Variants in TMEM200A observed in about 807,000 individuals in gnomAD.
TMEM200A encodes transmembrane protein 200A, also known as two transmembrane C.
In TMEM200A, 12 loss-of-function variants were observed where a neutral mutation model predicts 24.3. The observed-to-expected ratio is 0.49, with a 90% confidence interval of 0.32 to 0.80. The LOEUF is 0.80. Among genes scored for constraint, TMEM200A ranks in the 30% least tolerant of loss-of-function variants. The probability of loss-of-function intolerance (pLI) is 0.04; values close to 1 mark genes in which losing one functional copy is unlikely to be tolerated. For missense variants in TMEM200A, 545 were observed against 614.4 expected (o/e 0.89, Z 1.19); for synonymous variants, 224 against 224.4 (o/e 1.00, Z 0.02).
chr6:130,414,994 C>T (rs975185489), intron 2 of TMEM200A, among the ~76,000 whole-genome samples: 1 of 152,158 alleles, frequency 6.6e-6, no homozygotes. Flanking sequence ...AAGGAAGAGT[C>T]AGAGGCTCCT....
chr6:130,414,431 C>CAAAAAAA lies in TMEM200A; in HGVS notation c.-16-25962_-16-25956dup, dbSNP rs11317905. ...TGGGTGACAGAGCAAGACTCCATCTCAAAAAAAAAAAAAAAAAAAAGCTGC... is the reference window on the plus strand; with the variant it reads ...TGGGTGACAGAGCAAGACTCCATCTCAAAAAAAAAAAAAAAAAAAAAAAAAAAGCTGC... On this transcript the variant is annotated intron_variant, in intron 2 of 2. Coordinates refer to ENST00000296978, the MANE Select transcript of TMEM200A (RefSeq NM_001258277.2). Among the ~76,000 whole-genome samples, 2 of 57,902 alleles carry CAAAAAAA rather than the reference C, an allele frequency of 3.5e-5. 1 individual carries two copies. Among genetic ancestry groups the CAAAAAAA allele is most frequent in the African/African-American group, 9.3e-5 (2 of 21,432 alleles). The allele number at this position is 57,902 out of a possible 152,430, so 38.0% of individuals were successfully genotyped here.
chr6:130,401,413 T>C (rs9492574), intron 2 of TMEM200A, among the ~76,000 whole-genome samples: 42,373 of 148,422 alleles, frequency 0.29, 9,368 homozygotes, highest in African/African-American at 0.62. Flanking sequence ...TTTTCTTTCT[T>C]TCTCTTTCTT....
chr6:130,418,420 C>T (rs1291391685), intron 2 of TMEM200A, among the ~76,000 whole-genome samples: 1 of 152,110 alleles, frequency 6.6e-6, no homozygotes, highest in Non-Finnish European at 1.5e-5. Context: ...CAGAGAGTGT[C>T]CCAGAGCTCA....
chr6:130,431,249 G>A (rs367754540), intron 2 of TMEM200A, among the ~76,000 whole-genome samples: 14 of 152,138 alleles, frequency 9.2e-5, no homozygotes, highest in African/African-American at 2.2e-4. Flanking sequence ...ACTTAGTAGA[G>A]TCTCATTATT....
At chr6:130,401,430 TC>T (rs1335832984) in intron 2 of TMEM200A, among the ~76,000 whole-genome samples, 5 of 148,560 alleles carry the variant, frequency 3.4e-5, no homozygotes, top group African/African-American at 1.3e-4. Flanking sequence ...TCTTTCTTTC[TC>T]TCTTTCCTTC....
chr6:130,434,320 T>C (rs562321845), intron 2 of TMEM200A, among the ~76,000 whole-genome samples: 2 of 152,382 alleles, frequency 1.3e-5, no homozygotes, highest in East Asian at 3.9e-4. Context: ...TTCTATTCTG[T>C]CTGCTAATTC....
intron 1 of TMEM200A, among the ~76,000 whole-genome samples, chr6:130,376,803 G>C (rs1045051861): frequency 6.6e-6 from 1 of 151,948 alleles, no homozygotes; most frequent in Non-Finnish European, 1.5e-5. Context: ...TCTCTGGAAA[G>C]TCCACATTTT....
Position 130,418,842 on chromosome 6 carries a change from A to G in TMEM200A, c.-16-21565A>G, listed in dbSNP as rs79367092. On this transcript the variant is annotated intron_variant, in intron 2 of 2. Coordinates refer to ENST00000296978, the MANE Select transcript of TMEM200A (RefSeq NM_001258277.2). Reference sequence around the variant, plus strand: ...GTACATGTGATATTTTGTTATGCATAGAATGTGTAATGGTCAACTCAGAAT... The same window carrying G: ...GTACATGTGATATTTTGTTATGCATGGAATGTGTAATGGTCAACTCAGAAT... Among the ~76,000 whole-genome samples the G allele has an allele frequency of 7.2e-5, 11 of 152,294 alleles. No individual in the cohort carries two copies. The East Asian group carries it at 2.1e-3, about 29-fold the overall frequency.
intron 2 of TMEM200A, among the ~76,000 whole-genome samples, chr6:130,393,982 TTTGA>T (rs1778894218): frequency 6.6e-6 from 1 of 152,206 alleles, no homozygotes; most frequent in Non-Finnish European, 1.5e-5. Context: ...CATATGCCTC[TTTGA>T]TTGGAATGAT....
Position 130,366,443 on chromosome 6 carries a change from C to T in TMEM200A, c.-162C>T, listed in dbSNP as rs1000389750. 23 of 985,594 alleles carry T rather than the reference C, an allele frequency of 2.3e-5. No homozygotes were observed. Among genetic ancestry groups the T allele is most frequent in the Non-Finnish European group, 2.8e-5 (23 of 830,072 alleles). The allele number at this position is 985,594 out of a possible 1,614,324, so 61.1% of individuals were successfully genotyped here. A position where few individuals can be genotyped will look rare whatever the true frequency, so the allele number is the denominator to read the frequency against. ...TTCGTCCGCCTCCAGAGGCGCCCGACGTCCCGACAGCTCCTGGAGTGAGAC... is the reference window on the plus strand; with the variant it reads ...TTCGTCCGCCTCCAGAGGCGCCCGATGTCCCGACAGCTCCTGGAGTGAGAC... On this transcript the variant is annotated 5_prime_UTR_variant, in exon 1 of 3. In the 5' UTR this introduces an upstream ATG that the reference lacks. Transcript: ENST00000296978. The surrounding 1 kb of genome is among the most constrained non-coding windows in gnomAD (Gnocchi z 4.4).
At chr6:130,419,836 A>T in intron 2 of TMEM200A, among the ~76,000 whole-genome samples, 1 of 152,178 alleles carries the variant, frequency 6.6e-6, no homozygotes, top group Admixed American at 6.5e-5. Flanking sequence ...GAACAACAGA[A>T]ATTTATTTTT....
Position 130,366,025 on chromosome 6 carries a change from C to T in TMEM200A, c.-580C>T. ...GTTTGGGGCTGGGATCCATCTGGAG[C>T]CGAGCAGAAAACTTTTCCCCTCCCG... On this transcript the variant is annotated 5_prime_UTR_variant, in exon 1 of 3. Coordinates refer to ENST00000296978, the MANE Select transcript of TMEM200A (RefSeq NM_001258277.2). This position sits in a 1 kb window ranked among gnomAD's most constrained non-coding sequence, Gnocchi z 4.4. The T allele has an allele frequency of 7.1e-6, 7 of 985,606 alleles. No homozygotes were observed. The highest frequency in any genetic ancestry group is 8.4e-6 in the Non-Finnish European group (7 of 830,074). 61.1% of individuals were successfully genotyped at this position (985,606 alleles called of 1,614,324 possible).
intron 2 of TMEM200A, among the ~76,000 whole-genome samples, chr6:130,433,167 G>A (rs962773665): frequency 2.1e-5 from 3 of 141,514 alleles, no homozygotes; most frequent in African/African-American, 8.2e-5. Flanking sequence ...ACGGAGTTTC[G>A]CTCTTGTTGC....
At chr6:130,375,358 C>T (rs996196920) in intron 1 of TMEM200A, among the ~76,000 whole-genome samples, 2 of 152,114 alleles carry the variant, frequency 1.3e-5, no homozygotes, top group African/African-American at 4.8e-5. Context: ...CACATAAAAT[C>T]TCTTATAACA....
rs1778669124 is a variant in TMEM200A at position 130,384,521 on chromosome 6, A to G, written c.-80-652A>G. 2.0e-5 allele frequency among the ~76,000 whole-genome samples: 3 copies of G among 152,134 alleles called. No individual in the cohort carries two copies. In the South Asian group the frequency reaches 6.2e-4, roughly 31 times the overall value. On this transcript the variant is annotated intron_variant, in intron 1 of 2. Coordinates refer to ENST00000296978, the MANE Select transcript of TMEM200A (RefSeq NM_001258277.2). The stretch of plus-strand genomic sequence containing the variant: ...GAGATGGGGTCTTGCTATGTTGCCA[A>G]GGCTGGTCTTGAACTCCTGACCTCA...
chr6:130,382,984 A>T, intron 1 of TMEM200A: 2 of 983,660 alleles, frequency 2.0e-6, no homozygotes, highest in Non-Finnish European at 2.4e-6. Flanking sequence ...TAGATCAGGA[A>T]GCAAACCATC....
chr6:130,434,822 G>A (rs113953176), intron 2 of TMEM200A, among the ~76,000 whole-genome samples: 6 of 152,032 alleles, frequency 3.9e-5, no homozygotes, highest in African/African-American at 9.7e-5. Context: ...GCTTGAGTGC[G>A]GGCAAGAGTA....
At chr6:130,382,747 TTGA>T (rs1778629741) in intron 1 of TMEM200A, among the ~76,000 whole-genome samples, 1 of 152,196 alleles carries the variant, frequency 6.6e-6, no homozygotes, top group Non-Finnish European at 1.5e-5. Context: ...TTCAGCTCTG[TTGA>T]TGGAGAATTG....
chr6:130,399,775 G>T (rs1779039833), intron 2 of TMEM200A, among the ~76,000 whole-genome samples: 1 of 151,540 alleles, frequency 6.6e-6, no homozygotes, highest in Non-Finnish European at 1.5e-5. Context: ...AGATTTTGGT[G>T]CACCCACCAC....
Sources: allele counts gnomAD v4.1 joint callset (sites outside exome capture counted in the v4.1 genomes callset), GRCh38; gene constraint gnomAD v4.1.1; non-coding constraint Gnocchi (gnomAD v3.1); transcripts MANE v1.5; gene names NCBI Gene and HGNC (gene_info 2026-07-23, HGNC 2026-07-21).